KRABD3: variants seen among roughly 807,000 people sequenced by gnomAD.
The protein encoded by KRABD3 is KRAB domain containing 3.
the KRABD3 span, chr7:149,720,927 A>G: frequency 2.7e-5 from 43 of 1,613,588 alleles, no homozygotes; most frequent in Non-Finnish European, 3.3e-5. Flanking sequence ...CAAGGGCGCT[A>G]TGGACAGCCC....
the KRABD3 span, chr7:149,725,970 AC>A: frequency 6.2e-7 from 1 of 1,608,084 alleles, no homozygotes; most frequent in East Asian, 2.2e-5. Flanking sequence ...CCCCCGAGGA[AC>A]CCCCACCAGC....
chr7:149,733,751 C>G, the KRABD3 span: 1 of 1,587,986 alleles, frequency 6.3e-7, no homozygotes, highest in Admixed American at 1.8e-5. Context: ...CTCTTCCCAG[C>G]AGCTGCTGTC....
At chr7:149,733,653 T>C in the KRABD3 span, 1 of 1,588,918 alleles carries the variant, frequency 6.3e-7, no homozygotes, top group Admixed American at 1.8e-5. Flanking sequence ...GCTGGTGACC[T>C]GCAAGGACTC....
chr7:149,724,752 A>G, the KRABD3 span: 1 of 1,564,576 alleles, frequency 6.4e-7, no homozygotes, highest in African/African-American at 1.4e-5. Context: ...GCCCCCCAGG[A>G]CCTGCATCCT....
the KRABD3 span, chr7:149,734,029 G>T: frequency 6.2e-7 from 1 of 1,606,688 alleles, no homozygotes; most frequent in Non-Finnish European, 8.5e-7. Context: ...ACAGGGACCC[G>T]AGATGGGGGG....
the KRABD3 span, among the ~76,000 whole-genome samples, chr7:149,726,923 A>G: frequency 0.016 from 2,440 of 152,256 alleles, 29 homozygotes; most frequent in Non-Finnish European, 0.025. Flanking sequence ...ATAAATACAT[A>G]AAAATTTCCT....
At chr7:149,722,545 C>T in the KRABD3 span, 108 of 1,605,014 alleles carry the variant, frequency 6.7e-5, 1 homozygote, top group East Asian at 2.3e-3. Context: ...AGAGGGACCT[C>T]AGAGGCCGGT....
chr7:149,725,258 G>T, the KRABD3 span: 2 of 1,484,596 alleles, frequency 1.3e-6, no homozygotes, highest in Non-Finnish European at 1.8e-6. Flanking sequence ...CCAGGGGTCT[G>T]ATGGGCAAGG....
chr7:149,726,636 C>T, the KRABD3 span, among the ~76,000 whole-genome samples: 1 of 151,934 alleles, frequency 6.6e-6, no homozygotes, highest in East Asian at 1.9e-4. Flanking sequence ...AGAAGTTTCG[C>T]CATGTTGGCC....
At chr7:149,733,684 G>C in the KRABD3 span, 4 of 1,584,638 alleles carry the variant, frequency 2.5e-6, no homozygotes, top group African/African-American at 4.0e-5. Flanking sequence ...CCGCTCGCCG[G>C]GCACGTCCGC....
the KRABD3 span, chr7:149,729,207 C>T: frequency 2.7e-5 from 42 of 1,564,820 alleles, no homozygotes; most frequent in African/African-American, 1.9e-4. Flanking sequence ...CTGAGGCCTG[C>T]GAGTCAGCCC....
chr7:149,726,540 C>T, the KRABD3 span, among the ~76,000 whole-genome samples: 3 of 151,626 alleles, frequency 2.0e-5, no homozygotes, highest in South Asian at 2.1e-4. Context: ...TGGGTTCAAG[C>T]GATTCTCCTG....
the KRABD3 span, among the ~76,000 whole-genome samples, chr7:149,718,114 A>T: frequency 6.6e-6 from 1 of 151,998 alleles, no homozygotes; most frequent in African/African-American, 2.4e-5. Flanking sequence ...AGTTTTTAGA[A>T]TCACTGACTT....
chr7:149,724,682 A>G, the KRABD3 span: 222,618 of 1,546,906 alleles, frequency 0.14, 22,380 homozygotes, highest in African/African-American at 0.52. Flanking sequence ...CCTCCTCCCC[A>G]TCCTGATCTT....
the KRABD3 span, chr7:149,731,748 G>T: frequency 1.9e-6 from 3 of 1,611,936 alleles, no homozygotes; most frequent in Non-Finnish European, 2.5e-6. Context: ...GAGGCCTGGA[G>T]CTTGGACATG....
At chr7:149,729,225 G>A in the KRABD3 span, 1 of 1,583,538 alleles carries the variant, frequency 6.3e-7, no homozygotes, top group Non-Finnish European at 8.6e-7. Flanking sequence ...CCCGTCTCGG[G>A]CAGGGTAGGG....
chr7:149,722,653 C>A, the KRABD3 span: 1 of 1,488,706 alleles, frequency 6.7e-7, no homozygotes, highest in South Asian at 1.3e-5. Flanking sequence ...GGTGGCAGCT[C>A]CACCGGGCAG....
the KRABD3 span, chr7:149,721,032 C>A: frequency 6.2e-7 from 1 of 1,605,182 alleles, no homozygotes; most frequent in Non-Finnish European, 8.5e-7. Context: ...CTCCTCTGCA[C>A]TCCGCATGAT....
At chr7:149,721,023 T>C in the KRABD3 span, 7 of 1,608,050 alleles carry the variant, frequency 4.4e-6, no homozygotes, top group East Asian at 4.5e-5. Context: ...GCACGCAGCC[T>C]CCTCTGCACT....
Sources: allele counts gnomAD v4.1 joint callset (sites outside exome capture counted in the v4.1 genomes callset), GRCh38; gene constraint gnomAD v4.1.1; transcripts MANE v1.5; gene names NCBI Gene and HGNC (gene_info 2026-07-23, HGNC 2026-07-21).